Variants in CUL1 observed in about 807,000 individuals in gnomAD.
The protein encoded by CUL1 is cullin 1.
Under a neutral mutation model 118.0 loss-of-function variants are expected in CUL1, and 24 were observed. The ratio of observed to expected loss-of-function variants is 0.20; its 90% CI spans 0.15 to 0.29. The LOEUF (loss-of-function observed/expected upper bound fraction) is 0.29. CUL1 is among the 10% of genes least tolerant of loss of function. The pLI, the probability that CUL1 is intolerant of heterozygous loss-of-function variation, is 1.00. For missense variants in CUL1, 361 were observed against 933.8 expected (o/e 0.39, Z 7.99); for synonymous variants, 332 against 340.4 (o/e 0.98, Z 0.27).
intron 1 of CUL1, among the ~76,000 whole-genome samples, chr7:148,726,698 C>T (rs1390777326): frequency 6.6e-6 from 1 of 152,084 alleles, no homozygotes; most frequent in African/African-American, 2.4e-5. Context: ...GTTTCTTCAT[C>T]TGAAGAGGAA....
chr7:148,703,716 A>G (rs928191168), intron 1 of CUL1, among the ~76,000 whole-genome samples: 5 of 151,816 alleles, frequency 3.3e-5, no homozygotes, highest in Admixed American at 2.6e-4. Context: ...TATTTTTAGT[A>G]GGGACGGGGT....
Position 148,766,623 on chromosome 7 carries a change from A to G in CUL1, c.852A>G (p.Gln284=). 1 of 1,614,042 alleles carries G rather than the reference A, an allele frequency of 6.2e-7. No homozygotes were observed. The highest frequency in any genetic ancestry group is 8.5e-7 in the Non-Finnish European group (1 of 1,179,936). ...RVQVYLHEST[Q]DELARKCEQV... ...AGGTTTACCTTCATGAAAGCACACAAGATGAATTAGCAAGGAAATGTGAAC... is the reference window on the plus strand; with the variant it reads ...AGGTTTACCTTCATGAAAGCACACAGGATGAATTAGCAAGGAAATGTGAAC... The change falls in exon 8 of 22, where the codon CAA becomes CAG. Residue 284 remains glutamine, a synonymous_variant. Coordinates refer to ENST00000325222, the MANE Select transcript of CUL1 (RefSeq NM_003592.3).
intron 21 of CUL1, 144 bp downstream of exon 21, chr7:148,799,532 C>T (rs891747229): frequency 2.1e-5 from 13 of 615,856 alleles, no homozygotes; most frequent in Non-Finnish European, 3.7e-5. Context: ...AAGTCGGCTT[C>T]AGTTTAACTG....
chr7:148,759,504 A>G, intron 5 of CUL1, 44 bp from the exon 6 acceptor site: 2 of 1,365,044 alleles, frequency 1.5e-6, no homozygotes, highest in Non-Finnish European at 2.1e-6. Flanking sequence ...AATATATATC[A>G]TATTCTATAA....
intron 2 of CUL1, among the ~76,000 whole-genome samples, chr7:148,752,156 A>C (rs1799511599): frequency 6.6e-6 from 1 of 152,252 alleles, no homozygotes; most frequent in Non-Finnish European, 1.5e-5. Context: ...TATATTTGAT[A>C]CACATTTATC....
intron 16 of CUL1, 69 bp from the exon 17 acceptor site, chr7:148,792,657 T>A (rs1801056678): frequency 9.8e-7 from 1 of 1,022,666 alleles, no homozygotes; most frequent in South Asian, 1.5e-5. Context: ...ACTTGGGCTG[T>A]ATATTTTGGG....
At position 148,775,324 on chromosome 7, in the gene CUL1, G is replaced by C. The variant is rs568112576; in HGVS notation, c.1083+7575G>C. 3.3e-5 allele frequency among the ~76,000 whole-genome samples: 5 copies of C among 152,276 alleles called. No homozygotes were observed. In the South Asian group the frequency reaches 1.0e-3, roughly 32 times the overall value. ...TTACATTTGGAGTGTAACCCAGCTT[G>C]GTTTGTTCAAAGGAGATAGGATACA... On this transcript the variant is annotated intron_variant, in intron 9 of 21. Coordinates refer to ENST00000325222, the MANE Select transcript of CUL1 (RefSeq NM_003592.3).
intron 1 of CUL1, among the ~76,000 whole-genome samples, chr7:148,725,387 C>T (rs1798545373): frequency 6.6e-6 from 1 of 152,256 alleles, no homozygotes; most frequent in Non-Finnish European, 1.5e-5. Context: ...CATCGGGCCT[C>T]AGCTGCAGAG....
intron 4 of CUL1, 46 bp downstream of exon 4, chr7:148,757,196 T>G: frequency 7.9e-7 from 1 of 1,269,602 alleles, no homozygotes; most frequent in Non-Finnish European, 1.0e-6. Context: ...TTTGTTTTTG[T>G]TTTTTTTAAT....
chr7:148,734,968 T>C (rs1798891013), intron 2 of CUL1, among the ~76,000 whole-genome samples: 1 of 152,324 alleles, frequency 6.6e-6, no homozygotes, highest in South Asian at 2.1e-4. Context: ...TTTCTATTTG[T>C]CTTCCTGTAC....
chr7:148,702,017 CT>C lies in CUL1; in HGVS notation c.-162+2993del, dbSNP rs918401338. ...AAGGGCCAATTCTAAGGTTGCCTTG[CT>C]TTTTAAAAACATTTGGTAGTTTATC... On this transcript the variant is annotated intron_variant, in intron 1 of 21. Transcript: ENST00000325222. 7.6e-4 allele frequency among the ~76,000 whole-genome samples: 115 copies of C among 152,098 alleles called. 1 individual carries two copies. Among genetic ancestry groups the C allele is most frequent in the African/African-American group, 2.7e-3 (110 of 41,430 alleles).
chr7:148,731,462 G>A (rs1189894598), intron 2 of CUL1, among the ~76,000 whole-genome samples: 2 of 152,150 alleles, frequency 1.3e-5, no homozygotes, highest in African/African-American at 4.8e-5. Context: ...CATAAAATGT[G>A]TGTTTGCATA....
At chr7:148,793,960 T>C (rs1429632185) in intron 17 of CUL1, among the ~76,000 whole-genome samples, 1 of 152,228 alleles carries the variant, frequency 6.6e-6, no homozygotes. Flanking sequence ...TGTGAAGTAG[T>C]ATCTTGCAGT....
intron 7 of CUL1, among the ~76,000 whole-genome samples, chr7:148,764,567 C>T (rs191323111): frequency 3.9e-5 from 6 of 152,230 alleles, no homozygotes; most frequent in Non-Finnish European, 8.8e-5. Context: ...TCTTTCATCT[C>T]GGAAGGGGTA....
intron 1 of CUL1, among the ~76,000 whole-genome samples, chr7:148,729,491 A>T (rs1488153195): frequency 1.3e-5 from 2 of 152,176 alleles, no homozygotes; most frequent in Non-Finnish European, 2.9e-5. Flanking sequence ...TTTTATTTTC[A>T]GCCTCACCAA....
At chr7:148,703,379 A>G (rs1311742969) in intron 1 of CUL1, among the ~76,000 whole-genome samples, 1 of 152,218 alleles carries the variant, frequency 6.6e-6, no homozygotes, top group Non-Finnish European at 1.5e-5. Context: ...GCAAAAATTT[A>G]TAAAACCATT....
At chr7:148,740,963 G>A (rs1185994532) in intron 2 of CUL1, among the ~76,000 whole-genome samples, 1 of 152,172 alleles carries the variant, frequency 6.6e-6, no homozygotes, top group African/African-American at 2.4e-5. Flanking sequence ...TGTTTAAGCC[G>A]TCTTGTCTGG....
intron 3 of CUL1, 107 bp from the exon 4 acceptor site, chr7:148,756,876 A>G: frequency 7.7e-6 from 5 of 652,762 alleles, no homozygotes; most frequent in Non-Finnish European, 9.5e-6. Flanking sequence ...GCCATCTAAA[A>G]TCACATGTGT....
At chr7:148,772,837 G>A (rs1372962510) in intron 9 of CUL1, among the ~76,000 whole-genome samples, 1 of 152,030 alleles carries the variant, frequency 6.6e-6, no homozygotes, top group Non-Finnish European at 1.5e-5. Flanking sequence ...TGCAGGGTCT[G>A]GACGTAGCCT....
Sources: gnomAD v4.1 joint callset for allele counts (sites outside exome capture counted in the v4.1 genomes callset) on GRCh38, gnomAD v4.1.1 for gene constraint, MANE v1.5 for transcripts, NCBI Gene and HGNC (gene_info 2026-07-23, HGNC 2026-07-21) for gene names.